The following FAM168A variants were observed in gnomAD, a reference collection of about 807,000 sequenced individuals.
FAM168A encodes the protein protein FAM168A.
A neutral mutation model predicts 28.5 loss-of-function variants in FAM168A; 3 were observed. The ratio of observed to expected loss-of-function variants is 0.11; its 90% CI spans 0.05 to 0.27. The LOEUF is 0.27. FAM168A is among the 10% of genes least tolerant of loss of function. The pLI is 1.00. For synonymous variants in FAM168A, 122 were observed against 124.2 expected, an observed-to-expected ratio of 0.98 and a Z score of 0.12; for missense variants, 222 against 311.5, an observed-to-expected ratio of 0.71 and a Z score of 2.16.
At chr11:73,469,321 T>C (rs765675930) in intron 1 of FAM168A, among the ~76,000 whole-genome samples, 6 of 152,220 alleles carry the variant, frequency 3.9e-5, no homozygotes, top group Non-Finnish European at 7.3e-5. Flanking sequence ...CTGACACATT[T>C]GAAAATGTGT....
chr11:73,520,073 G>C (rs897431233), intron 1 of FAM168A, among the ~76,000 whole-genome samples: 1 of 151,896 alleles, frequency 6.6e-6, no homozygotes, highest in African/African-American at 2.4e-5. Context: ...TGGAGGCAGA[G>C]TCTCACTCTG....
chr11:73,558,947 T>C (rs570880392), intron 1 of FAM168A, among the ~76,000 whole-genome samples: 1 of 152,248 alleles, frequency 6.6e-6, no homozygotes, highest in South Asian at 2.1e-4. Context: ...CATTCCTAGG[T>C]ATACACTGAA....
At chr11:73,458,366 G>T (rs1867578445) in intron 2 of FAM168A, among the ~76,000 whole-genome samples, 1 of 152,160 alleles carries the variant, frequency 6.6e-6, no homozygotes, top group African/African-American at 2.4e-5. Flanking sequence ...GTGGTAGAGT[G>T]GGTGCTTCGC....
intron 2 of FAM168A, among the ~76,000 whole-genome samples, chr11:73,431,334 T>TC (rs1866989026): frequency 6.6e-6 from 1 of 151,778 alleles, no homozygotes; most frequent in African/African-American, 2.4e-5. Flanking sequence ...AGAGCAAGAC[T>TC]CCATCCGCTG....
chr11:73,528,010 C>G (rs1224519793), intron 1 of FAM168A, among the ~76,000 whole-genome samples: 1 of 152,206 alleles, frequency 6.6e-6, no homozygotes, highest in Non-Finnish European at 1.5e-5. Flanking sequence ...GGACTTCTCA[C>G]TCTCATCATG....
chr11:73,535,803 C>G (rs1421177444), intron 1 of FAM168A, among the ~76,000 whole-genome samples: 2 of 149,984 alleles, frequency 1.3e-5, no homozygotes, highest in Non-Finnish European at 3.0e-5. Context: ...TGAAGTGATC[C>G]TCCCACCTTG....
chr11:73,420,575 G>A (rs1866774397), intron 3 of FAM168A, among the ~76,000 whole-genome samples: 1 of 152,214 alleles, frequency 6.6e-6, no homozygotes, highest in Admixed American at 6.5e-5. Flanking sequence ...GTTAGCCAGT[G>A]GGGCACTCCT....
Position 73,411,472 on chromosome 11 carries a change from G to A in FAM168A, c.342C>T (p.Tyr114=), listed in dbSNP as rs754035792. 26 of 1,613,690 alleles carry A rather than the reference G, an allele frequency of 1.6e-5. 1 individual carries two copies. In the South Asian group the frequency reaches 2.6e-4, roughly 16 times the overall value. Residue 114 remains tyrosine (Y), a synonymous_variant, in exon 5 of 8, where the codon TAC becomes TAT. Transcript: ENST00000356467. ...PTQSNTAPPP[Y]SPSPNPYQTA... ...TCTGATAGGGGTTGGGTGATGGGGAGTAGGGGGGTGGAGCAGTGTTACTCT... is the reference window on the plus strand; with the variant it reads ...TCTGATAGGGGTTGGGTGATGGGGAATAGGGGGGTGGAGCAGTGTTACTCT...
At position 73,531,960 on chromosome 11, in the gene FAM168A, A is replaced by G. The variant is rs1046019058; in HGVS notation, c.-18-63468T>C. ...GCTGGAACCACAGGCGCACACCATC[A>G]TGCCTGGCTAATTTTTTTTTTTTTT... On this transcript the variant is annotated intron_variant, in intron 1 of 7. Transcript: ENST00000356467. Among the ~76,000 whole-genome samples, 4 of 146,870 alleles carry G rather than the reference A, an allele frequency of 2.7e-5. No homozygotes were observed. In the East Asian group the frequency reaches 7.9e-4, roughly 29 times the overall value.
chr11:73,457,362 C>A (rs1158274957), intron 2 of FAM168A, among the ~76,000 whole-genome samples: 1 of 150,448 alleles, frequency 6.6e-6, no homozygotes, highest in African/African-American at 2.4e-5. Flanking sequence ...TGCACTCCAA[C>A]CTGTGGGACA....
At position 73,401,018 on chromosome 11, in the gene FAM168A, CTG is replaced by C. The variant is rs1429064575; in HGVS notation, c.*5743_*5744del. On this transcript the variant is annotated 3_prime_UTR_variant, in exon 8 of 8. Transcript: ENST00000356467. ...GGCTTTCCAATCTTTACACTCCGGA[CTG>C]TGTTTTGAAAACACCTATAAATTCT... 9 of 151,794 alleles carry C rather than the reference CTG, an allele frequency of 5.9e-5. No individual in the cohort carries two copies. Among genetic ancestry groups the C allele is most frequent in the Admixed American group, 5.9e-4 (9 of 15,250 alleles). 9.4% of individuals were successfully genotyped at this position (151,794 alleles called of 1,614,324 possible). A position where few individuals can be genotyped will look rare whatever the true frequency, so the allele number is the denominator to read the frequency against.
rs867218965 is a variant in FAM168A at position 73,544,887 on chromosome 11, A to T, written c.-19+53036T>A. Among the ~76,000 whole-genome samples the T allele has an allele frequency of 1.4e-4, 13 of 92,762 alleles. No individual in the cohort carries two copies. The South Asian group carries it at 2.3e-3, about 16-fold the overall frequency. 60.9% of individuals were successfully genotyped at this position (92,762 alleles called of 152,430 possible). A position where few individuals can be genotyped will look rare whatever the true frequency, so the allele number is the denominator to read the frequency against. On this transcript the variant is annotated intron_variant, in intron 1 of 7. Coordinates refer to ENST00000356467, the MANE Select transcript of FAM168A (RefSeq NM_015159.3). ...TATATAATTATATATATTATATATA[A>T]AATATAAAATATATTATATAATATA...
intron 1 of FAM168A, among the ~76,000 whole-genome samples, chr11:73,585,800 A>C (rs765936110): frequency 4.7e-5 from 7 of 149,928 alleles, no homozygotes; most frequent in Non-Finnish European, 7.4e-5. Context: ...CCAGGGAGGC[A>C]GAGGCTGCAG....
intron 2 of FAM168A, among the ~76,000 whole-genome samples, chr11:73,439,845 A>T (rs1185894656): frequency 1.4e-5 from 2 of 145,810 alleles, no homozygotes; most frequent in African/African-American, 5.1e-5. Flanking sequence ...TGAATCGATA[A>T]TTTGGTCCAT....
At chr11:73,456,608 T>G (rs1436644472) in intron 2 of FAM168A, among the ~76,000 whole-genome samples, 1 of 152,256 alleles carries the variant, frequency 6.6e-6, no homozygotes, top group Admixed American at 6.5e-5. Context: ...TACATGACAC[T>G]GACAGTTTTT....
At chr11:73,459,226 G>C (rs1216948208) in intron 2 of FAM168A, among the ~76,000 whole-genome samples, 1 of 152,004 alleles carries the variant, frequency 6.6e-6, no homozygotes, top group Non-Finnish European at 1.5e-5. Context: ...TGGGACAACA[G>C]GCATGTGCCA....
chr11:73,552,683 G>T (rs756931159), intron 1 of FAM168A, among the ~76,000 whole-genome samples: 4 of 152,146 alleles, frequency 2.6e-5, no homozygotes, highest in Non-Finnish European at 5.9e-5. Context: ...GAGGCCAGGC[G>T]TGGTGGCTCA....
intron 1 of FAM168A, among the ~76,000 whole-genome samples, chr11:73,489,953 T>A (rs2134606699): frequency 6.6e-6 from 1 of 152,300 alleles, no homozygotes; most frequent in South Asian, 2.1e-4. Context: ...AGGCCCCTTC[T>A]CTTTTCTAAA....
intron 3 of FAM168A, among the ~76,000 whole-genome samples, chr11:73,427,198 A>G (rs2134505722): frequency 6.6e-6 from 1 of 152,102 alleles, no homozygotes; most frequent in African/African-American, 2.4e-5. Context: ...TCACGGTGTT[A>G]GCCAGGATGG....
Sources: allele counts gnomAD v4.1 joint callset (sites outside exome capture counted in the v4.1 genomes callset), GRCh38; gene constraint gnomAD v4.1.1; transcripts MANE v1.5; gene names NCBI Gene and HGNC (gene_info 2026-07-23, HGNC 2026-07-21).